DLGAP1: variants seen among roughly 807,000 people sequenced by gnomAD.
DLGAP1 encodes DLG associated protein 1.
DLGAP1 carries 11 observed loss-of-function variants against 90.8 expected under a neutral mutation model. That is an observed-to-expected ratio of 0.12 (90% CI 0.08 to 0.20). The LOEUF is 0.20. DLGAP1 is among the 10% of genes least tolerant of loss of function. DLGAP1 has a pLI of 1.00. For synonymous variants in DLGAP1, 558 were observed against 540.7 expected, an observed-to-expected ratio of 1.03 and a Z score of -0.44; for missense variants, 1,050 against 1,333.8, an observed-to-expected ratio of 0.79 and a Z score of 3.31.
intron 1 of DLGAP1, among the ~76,000 whole-genome samples, chr18:4,439,088 G>T (rs1567923720): frequency 6.6e-6 from 1 of 152,306 alleles, no homozygotes; most frequent in South Asian, 2.1e-4. Context: ...CCAAAGGAGA[G>T]ACTGACCTGC....
At chr18:4,441,688 C>G (rs2083539217) in intron 1 of DLGAP1, among the ~76,000 whole-genome samples, 1 of 152,170 alleles carries the variant, frequency 6.6e-6, no homozygotes, top group South Asian at 2.1e-4. Context: ...AGTGACACTT[C>G]AAGAATTTCC....
At chr18:3,600,881 G>T (rs865893673) in intron 7 of DLGAP1, among the ~76,000 whole-genome samples, 498 of 9,814 alleles carry the variant, frequency 0.051, 45 homozygotes, top group African/African-American at 0.078. Context: ...TAGATATATA[G>T]ATAGATATAT....
chr18:3,893,296 G>A (rs768826337), intron 3 of DLGAP1, among the ~76,000 whole-genome samples: 2 of 152,036 alleles, frequency 1.3e-5, no homozygotes, highest in Non-Finnish European at 2.9e-5. Context: ...GCAATCATTG[G>A]CCGGGTGTGG....
intron 3 of DLGAP1, among the ~76,000 whole-genome samples, chr18:3,981,153 G>A (rs996606800): frequency 6.6e-6 from 1 of 152,222 alleles, no homozygotes; most frequent in East Asian, 1.9e-4. Context: ...TTTCATACGG[G>A]CAGAATGCCG....
intron 2 of DLGAP1, among the ~76,000 whole-genome samples, chr18:4,038,650 T>C (rs1314584338): frequency 6.6e-6 from 1 of 152,154 alleles, no homozygotes; most frequent in Non-Finnish European, 1.5e-5. Flanking sequence ...ATTGAAGGAA[T>C]AATCAAGACA....
At chr18:4,393,421 C>A (rs1366747618) in intron 1 of DLGAP1, among the ~76,000 whole-genome samples, 2 of 152,134 alleles carry the variant, frequency 1.3e-5, no homozygotes, top group Non-Finnish European at 2.9e-5. Flanking sequence ...TGTACTCTAC[C>A]TGGAATGGAC....
intron 7 of DLGAP1, among the ~76,000 whole-genome samples, chr18:3,641,653 T>C (rs2058950765): frequency 6.7e-6 from 1 of 148,550 alleles, no homozygotes; most frequent in African/African-American, 2.5e-5. Flanking sequence ...ATGGCAACAA[T>C]AGTAGATTGG....
At chr18:3,603,846 C>T (rs1193993049) in intron 7 of DLGAP1, 1 of 154,348 alleles carries the variant, frequency 6.5e-6, no homozygotes, top group Non-Finnish European at 1.5e-5. Context: ...CTCAGAAACA[C>T]CTATTGTTCA....
chr18:4,409,787 T>C (rs180968199), intron 1 of DLGAP1, among the ~76,000 whole-genome samples: 15 of 152,200 alleles, frequency 9.9e-5, no homozygotes, highest in African/African-American at 3.4e-4. Flanking sequence ...TACTGATTTG[T>C]TTGACCCTCT....
chr18:4,416,405 C>T lies in DLGAP1; in HGVS notation c.-267+38601G>A, dbSNP rs530464407. Among the ~76,000 whole-genome samples, 332 of 134,528 alleles carry T rather than the reference C, an allele frequency of 2.5e-3. 1 individual carries two copies. Among genetic ancestry groups the T allele is most frequent in the African/African-American group, 8.7e-3 (302 of 34,860 alleles). The allele number at this position is 134,528 out of a possible 152,430, so 88.3% of individuals were successfully genotyped here. A position where few individuals can be genotyped will look rare whatever the true frequency, so the allele number is the denominator to read the frequency against. ...ATTTTATTAATAACAATTTTGAATT[C>T]CTTTTATTCATGAAAAATAAAGGAA... On this transcript the variant is annotated intron_variant, in intron 1 of 12. Transcript: ENST00000315677.
intron 1 of DLGAP1, among the ~76,000 whole-genome samples, chr18:4,430,119 G>A (rs938480548): frequency 3.3e-5 from 5 of 152,182 alleles, no homozygotes; most frequent in African/African-American, 7.2e-5. Flanking sequence ...ACAGGAGGGC[G>A]CTGAGATTAG....
chr18:4,364,703 G>C (rs2081720902), intron 1 of DLGAP1, among the ~76,000 whole-genome samples: 1 of 151,916 alleles, frequency 6.6e-6, no homozygotes, highest in Admixed American at 6.6e-5. Context: ...GCTAGCTTTG[G>C]GATTTGTTTG....
chr18:3,594,322 C>T (rs1468624600), intron 7 of DLGAP1: 1 of 151,714 alleles, frequency 6.6e-6, no homozygotes, highest in Non-Finnish European at 1.5e-5. Context: ...AAGCCAGCAT[C>T]TCCCCCACCA....
intron 1 of DLGAP1, among the ~76,000 whole-genome samples, chr18:4,379,169 A>G (rs928493252): frequency 6.6e-6 from 1 of 152,156 alleles, no homozygotes; most frequent in Non-Finnish European, 1.5e-5. Flanking sequence ...TATGTGTACT[A>G]ATTATTTAGC....
intron 9 of DLGAP1, among the ~76,000 whole-genome samples, chr18:3,558,849 A>G (rs937153224): frequency 6.6e-6 from 1 of 152,198 alleles, no homozygotes; most frequent in African/African-American, 2.4e-5. Context: ...TGATATATGT[A>G]AAATACTAAT....
chr18:4,189,686 G>C (rs2077360031), intron 1 of DLGAP1, among the ~76,000 whole-genome samples: 1 of 151,972 alleles, frequency 6.6e-6, no homozygotes. Flanking sequence ...GGAAGTCAGA[G>C]GACTGACACT....
At chr18:3,631,143 G>A (rs1001264725) in intron 7 of DLGAP1, among the ~76,000 whole-genome samples, 2 of 151,188 alleles carry the variant, frequency 1.3e-5, no homozygotes, top group Non-Finnish European at 2.9e-5. Flanking sequence ...AGCACGCCCA[G>A]TTAATTTTTT....
Position 3,852,752 on chromosome 18 carries a change from C to T in DLGAP1, c.957+26360G>A, listed in dbSNP as rs529142439. On this transcript the variant is annotated intron_variant, in intron 4 of 12. Transcript: ENST00000315677. ...CCTTTTCTGCATATATTGAGACAAT[C>T]CTATGTGCTTTTTATCCTTTAATCT... Among the ~76,000 whole-genome samples the T allele has an allele frequency of 9.9e-5, 15 of 152,138 alleles. No homozygotes were observed. In the East Asian group the frequency reaches 2.9e-3, roughly 29 times the overall value.
chr18:3,984,779 G>C (rs2073808545), intron 3 of DLGAP1, among the ~76,000 whole-genome samples: 1 of 151,754 alleles, frequency 6.6e-6, no homozygotes, highest in South Asian at 2.1e-4. Flanking sequence ...TGTCTCACCA[G>C]CCCAGGTTCA....
Sources: gnomAD v4.1 joint callset for allele counts (sites outside exome capture counted in the v4.1 genomes callset) on GRCh38, gnomAD v4.1.1 for gene constraint, MANE v1.5 for transcripts, NCBI Gene and HGNC (gene_info 2026-07-23, HGNC 2026-07-21) for gene names.